ESR1: variants seen among roughly 807,000 people sequenced by gnomAD.
ESR1 encodes estrogen receptor 1.
In ESR1, 12 loss-of-function variants were observed where a neutral mutation model predicts 52.7. The observed-to-expected ratio is 0.23, with a 90% CI of 0.15 to 0.37. The LOEUF (loss-of-function observed/expected upper bound fraction) is 0.37, where lower values mean the gene tolerates loss of function less well. ESR1 is among the 10% of genes least tolerant of loss of function. The probability of loss-of-function intolerance (pLI) is 1.00; values close to 1 mark genes in which losing one functional copy is unlikely to be tolerated. For missense variants in ESR1, 584 were observed against 779.7 expected (o/e 0.75, Z 2.99); for synonymous variants, 305 against 316.8 (o/e 0.96, Z 0.39).
At chr6:152,043,089 C>T (rs1470230097) in intron 5 of ESR1, among the ~76,000 whole-genome samples, 1 of 152,126 alleles carries the variant, frequency 6.6e-6, no homozygotes, top group Admixed American at 6.5e-5. Context: ...CTGTACTCTC[C>T]CAGCTGGGAT....
At chr6:151,882,939 A>G (rs937880038) in intron 3 of ESR1, among the ~76,000 whole-genome samples, 1 of 152,216 alleles carries the variant, frequency 6.6e-6, no homozygotes, top group Admixed American at 6.5e-5. Flanking sequence ...GGATGGCTCC[A>G]TACACACTTG....
intron 5 of ESR1, among the ~76,000 whole-genome samples, chr6:152,023,591 T>G (rs184574370): frequency 5.3e-5 from 8 of 152,342 alleles, no homozygotes; most frequent in Admixed American, 2.0e-4. Context: ...TAAAAAACAG[T>G]TCTTTTCTAC....
chr6:151,815,576 A>C (rs1056016952), intron 1 of ESR1, among the ~76,000 whole-genome samples: 2 of 152,208 alleles, frequency 1.3e-5, no homozygotes, highest in African/African-American at 2.4e-5. Flanking sequence ...CACTGGAAGA[A>C]TGTGGGAAGT....
chr6:151,960,924 G>T (rs148554583), intron 4 of ESR1, among the ~76,000 whole-genome samples: 1 of 152,176 alleles, frequency 6.6e-6, no homozygotes. Flanking sequence ...TGGGCTGGGC[G>T]TAGTATGTGA....
intron 3 of ESR1, among the ~76,000 whole-genome samples, chr6:151,923,487 C>T (rs986788409): frequency 2.0e-5 from 3 of 152,044 alleles, no homozygotes; most frequent in African/African-American, 7.2e-5. Flanking sequence ...TAATTCAACC[C>T]CTCCTTCCCA....
At chr6:152,124,536 C>CTAACTT (rs1043404097) in intron 6 of ESR1, among the ~76,000 whole-genome samples, 31 of 152,282 alleles carry the variant, frequency 2.0e-4, no homozygotes, top group African/African-American at 7.0e-4. Context: ...AGATGGTCTT[C>CTAACTT]TAACTTTAAA....
chr6:151,804,096 G>A (rs6903180), upstream of ESR1, among the ~76,000 whole-genome samples: 11,869 of 43,086 alleles, frequency 0.28, 765 homozygotes, highest in African/African-American at 0.46. Context: ...CTGGGAGCCC[G>A]AGTGAAGTTT....
At chr6:152,010,866 CCTT>C (rs1199867718) in intron 4 of ESR1, among the ~76,000 whole-genome samples, 32 of 151,268 alleles carry the variant, frequency 2.1e-4, no homozygotes, top group Admixed American at 6.6e-5. Context: ...ACCTTCTCCT[CCTT>C]CTCCTCCTCC....
intron 2 of ESR1, among the ~76,000 whole-genome samples, chr6:151,721,176 CA>C (rs1781429859): frequency 6.6e-6 from 1 of 152,116 alleles, no homozygotes; most frequent in Non-Finnish European, 1.5e-5. Context: ...TTAAAGGATT[CA>C]TAGATGTTTA....
chr6:151,905,987 A>G (rs1797387362), intron 3 of ESR1, among the ~76,000 whole-genome samples: 1 of 152,180 alleles, frequency 6.6e-6, no homozygotes, highest in Non-Finnish European at 1.5e-5. Context: ...AGTTATTTAT[A>G]TCCTATTGCT....
At chr6:151,745,737 A>G (rs1281144337) in intron 2 of ESR1, among the ~76,000 whole-genome samples, 1 of 152,106 alleles carries the variant, frequency 6.6e-6, no homozygotes, top group Non-Finnish European at 1.5e-5. Flanking sequence ...AAAAAATTAT[A>G]TTATTTTTAA....
chr6:151,677,972 A>AAAAAAAGTTAAAC (rs58791714), intron 1 of ESR1, among the ~76,000 whole-genome samples: 4 of 151,962 alleles, frequency 2.6e-5, no homozygotes, highest in Non-Finnish European at 5.9e-5. Context: ...AAAAATTAAT[A>AAAAAAAGTTAAAC]AAACGTAATG....
intron 1 of ESR1, among the ~76,000 whole-genome samples, chr6:151,826,463 G>A (rs913405257): frequency 2.3e-4 from 35 of 152,192 alleles, no homozygotes; most frequent in Admixed American, 1.6e-3. Flanking sequence ...TGCGAGGCCT[G>A]GGATAGATGT....
intron 6 of ESR1, among the ~76,000 whole-genome samples, chr6:152,075,778 T>C (rs2048690126): frequency 6.6e-6 from 1 of 152,232 alleles, no homozygotes; most frequent in Non-Finnish European, 1.5e-5. Context: ...GATATGGACA[T>C]GTGCATATTG....
chr6:151,752,919 C>T (rs926032018), intron 2 of ESR1, among the ~76,000 whole-genome samples: 1 of 152,160 alleles, frequency 6.6e-6, no homozygotes, highest in Non-Finnish European at 1.5e-5. Context: ...TTCATTGCAA[C>T]TGGAGTGTGT....
chr6:151,689,715 C>A (rs75027116), upstream of ESR1, among the ~76,000 whole-genome samples: 4,612 of 152,250 alleles, frequency 0.03, 261 homozygotes, highest in African/African-American at 0.11. Flanking sequence ...CCGCCCCATT[C>A]TACCATTCTC....
chr6:151,780,714 T>G (rs1337975061), intron 2 of ESR1, among the ~76,000 whole-genome samples: 1 of 152,250 alleles, frequency 6.6e-6, no homozygotes, highest in Admixed American at 6.5e-5. Flanking sequence ...TTGATGTCAC[T>G]GATTCCTAAA....
intron 4 of ESR1, among the ~76,000 whole-genome samples, chr6:151,977,458 AAT>A (rs2039545022): frequency 6.6e-6 from 1 of 151,510 alleles, no homozygotes; most frequent in African/African-American, 2.4e-5. Flanking sequence ...AAAAAAAAAA[AAT>A]CCATAGCCAG....
intron 3 of ESR1, among the ~76,000 whole-genome samples, chr6:151,938,097 T>C (rs777775027): frequency 3.3e-5 from 5 of 152,216 alleles, no homozygotes; most frequent in Non-Finnish European, 5.9e-5. Flanking sequence ...TAATACCCCA[T>C]GAATTATTGA....
Sources: allele counts gnomAD v4.1 joint callset (sites outside exome capture counted in the v4.1 genomes callset), GRCh38; gene constraint gnomAD v4.1.1; transcripts MANE v1.5; gene names NCBI Gene and HGNC (gene_info 2026-07-23, HGNC 2026-07-21).